Variants in KCNAB1 observed in about 807,000 individuals in gnomAD.
KCNAB1 encodes the protein potassium voltage-gated channel subfamily A regulatory beta subunit 1, also known as voltage-gated potassium channel subunit beta-1.
A neutral mutation model predicts 64.6 loss-of-function variants in KCNAB1; 35 were observed. The ratio of observed to expected loss-of-function variants is 0.54; its 90% CI spans 0.41 to 0.72. The LOEUF (loss-of-function observed/expected upper bound fraction) is 0.72. Ranked by LOEUF, KCNAB1 falls within the 30% of genes least tolerant of loss-of-function variation. The pLI is 0.00. For synonymous variants in KCNAB1, 177 were observed against 183.8 expected (o/e 0.96, Z 0.30); for missense variants, 401 against 512.9 (o/e 0.78, Z 2.11).
At chr3:156,179,969 C>T (rs1016935669) in intron 1 of KCNAB1, among the ~76,000 whole-genome samples, 12 of 152,144 alleles carry the variant, frequency 7.9e-5, no homozygotes, top group African/African-American at 7.2e-5. Flanking sequence ...GACATTGTAT[C>T]GCTTAACATA....
intron 1 of KCNAB1, chr3:156,292,135 A>G: frequency 1.2e-6 from 2 of 1,613,706 alleles, no homozygotes; most frequent in Non-Finnish European, 1.7e-6. Context: ...ATAGGTATGC[A>G]CGTAAGATTC....
At chr3:156,143,263 A>G in intron 1 of KCNAB1, 1 of 1,614,006 alleles carries the variant, frequency 6.2e-7, no homozygotes, top group Non-Finnish European at 8.5e-7. Flanking sequence ...TCTAAAATGT[A>G]GATGGCACCT....
At chr3:156,456,985 G>A (rs1166782102) in intron 3 of KCNAB1, 2 of 155,368 alleles carry the variant, frequency 1.3e-5, no homozygotes, top group Admixed American at 6.5e-5. Flanking sequence ...TGGGTGGCAG[G>A]AGTTTTACAA....
Position 156,208,901 on chromosome 3 carries a change from A to G in KCNAB1, c.275+88015A>G, listed in dbSNP as rs573864852. 2.6e-5 allele frequency among the ~76,000 whole-genome samples: 4 copies of G among 152,332 alleles called. No homozygotes were observed. In the East Asian group the frequency reaches 7.7e-4, roughly 29 times the overall value. On this transcript the variant is annotated intron_variant, in intron 1 of 13. Transcript: ENST00000490337. ...CTTAATGAGAAATCTCAGTTATGGGATAGTTATTTCAGGTGTATAGTTCTC... is the reference window on the plus strand; with the variant it reads ...CTTAATGAGAAATCTCAGTTATGGGGTAGTTATTTCAGGTGTATAGTTCTC...
chr3:156,439,834 C>A (rs982672145), intron 2 of KCNAB1, among the ~76,000 whole-genome samples: 3 of 152,170 alleles, frequency 2.0e-5, no homozygotes, highest in African/African-American at 7.2e-5. Flanking sequence ...TTTATTCTAC[C>A]ATCATAACTC....
intron 1 of KCNAB1, among the ~76,000 whole-genome samples, chr3:156,174,015 C>T (rs1337573452): frequency 6.6e-6 from 1 of 152,182 alleles, no homozygotes; most frequent in Non-Finnish European, 1.5e-5. Context: ...CAGACTCGTA[C>T]TGGAACAACA....
At chr3:156,487,602 A>G (rs1052171480) in intron 8 of KCNAB1, among the ~76,000 whole-genome samples, 1 of 152,166 alleles carries the variant, frequency 6.6e-6, no homozygotes, top group African/African-American at 2.4e-5. Context: ...GTCAGCTCAG[A>G]ATTTGCTTAT....
downstream of KCNAB1, chr3:156,538,619 C>A (rs1393333414): frequency 3.3e-5 from 5 of 152,208 alleles, no homozygotes; most frequent in Admixed American, 3.3e-4. Context: ...TAGATTTTAT[C>A]TGATCTTTCA....
chr3:156,330,127 A>T (rs1321649790), intron 1 of KCNAB1, among the ~76,000 whole-genome samples: 1 of 152,132 alleles, frequency 6.6e-6, no homozygotes, highest in Admixed American at 6.5e-5. Context: ...AATATATCCC[A>T]TCCCCCCTTT....
intron 1 of KCNAB1, among the ~76,000 whole-genome samples, chr3:156,411,919 T>C (rs918114444): frequency 7.9e-5 from 12 of 152,228 alleles, no homozygotes; most frequent in Non-Finnish European, 1.3e-4. Context: ...ACAGAGCATT[T>C]TGCTAGGATA....
intron 1 of KCNAB1, among the ~76,000 whole-genome samples, chr3:156,207,807 T>C (rs1329863109): frequency 6.6e-6 from 1 of 152,176 alleles, no homozygotes; most frequent in Non-Finnish European, 1.5e-5. Flanking sequence ...AGGCTAACTT[T>C]AGGAAATTTT....
At chr3:156,129,081 A>G (rs1713834140) in intron 1 of KCNAB1, among the ~76,000 whole-genome samples, 1 of 152,210 alleles carries the variant, frequency 6.6e-6, no homozygotes, top group South Asian at 2.1e-4. Flanking sequence ...CAACAACCTC[A>G]TAGTCTTGTT....
intron 1 of KCNAB1, among the ~76,000 whole-genome samples, chr3:156,337,032 C>T (rs889528130): frequency 2.0e-5 from 3 of 152,178 alleles, no homozygotes; most frequent in Non-Finnish European, 2.9e-5. Context: ...TAAGTGACTG[C>T]GATTATTGTT....
intron 1 of KCNAB1, among the ~76,000 whole-genome samples, chr3:156,347,713 G>A (rs941594604): frequency 2.6e-5 from 4 of 152,190 alleles, no homozygotes; most frequent in Admixed American, 2.0e-4. Context: ...ATTTCTGAGC[G>A]GTATTTTTCT....
intron 1 of KCNAB1, among the ~76,000 whole-genome samples, chr3:156,169,876 C>G (rs1346863375): frequency 6.6e-6 from 1 of 152,190 alleles, no homozygotes; most frequent in African/African-American, 2.4e-5. Context: ...ATAAATTACC[C>G]AATTTCAGGT....
At chr3:156,292,235 A>G in intron 1 of KCNAB1, 5 of 1,271,714 alleles carry the variant, frequency 3.9e-6, no homozygotes, top group Non-Finnish European at 5.5e-6. Context: ...TGGGTTGCTC[A>G]CTTTAGAATT....
intron 1 of KCNAB1, among the ~76,000 whole-genome samples, chr3:156,341,558 G>A (rs961702456): frequency 1.3e-5 from 2 of 152,164 alleles, no homozygotes; most frequent in African/African-American, 4.8e-5. Context: ...GTGTTAGGAT[G>A]AGATCATGCC....
At chr3:156,284,691 C>T (rs947310051) in intron 1 of KCNAB1, among the ~76,000 whole-genome samples, 1 of 152,194 alleles carries the variant, frequency 6.6e-6, no homozygotes, top group Non-Finnish European at 1.5e-5. Flanking sequence ...TTAAGCCCGT[C>T]GGAAAAGTGC....
intron 1 of KCNAB1, among the ~76,000 whole-genome samples, chr3:156,198,008 A>G (rs1434166345): frequency 6.6e-6 from 1 of 152,158 alleles, no homozygotes; most frequent in African/African-American, 2.4e-5. Context: ...CATTGGTTTC[A>G]AAGAACTTAT....
Sources: allele counts gnomAD v4.1 joint callset (sites outside exome capture counted in the v4.1 genomes callset), GRCh38; gene constraint gnomAD v4.1.1; transcripts MANE v1.5; gene names NCBI Gene and HGNC (gene_info 2026-07-23, HGNC 2026-07-21).